Variants in FHIT observed in about 807,000 individuals in gnomAD.
FHIT encodes the protein fragile histidine triad diadenosine triphosphatase.
Under a neutral mutation model 17.9 loss-of-function variants are expected in FHIT, and 19 were observed. The observed-to-expected ratio is 1.06, with a 90% CI of 0.74 to 1.56. FHIT has a LOEUF of 1.56. Ranked by LOEUF, FHIT falls within the 40% of genes most tolerant of loss-of-function variation. The probability of loss-of-function intolerance (pLI) is 0.00; values close to 1 mark genes in which losing one functional copy is unlikely to be tolerated. For synonymous variants in FHIT, 81 were observed against 69.7 expected (o/e 1.16, Z -0.81); for missense variants, 248 against 189.2 (o/e 1.31, Z -1.82).
chr3:60,063,027 T>C (rs911792513), intron 5 of FHIT, among the ~76,000 whole-genome samples: 1 of 152,188 alleles, frequency 6.6e-6, no homozygotes, highest in Non-Finnish European at 1.5e-5. Flanking sequence ...AGTTCACAAC[T>C]AAATTAAAAT....
intron 7 of FHIT, among the ~76,000 whole-genome samples, chr3:59,971,133 C>A (rs1211432217): frequency 2.0e-5 from 3 of 152,026 alleles, no homozygotes; most frequent in African/African-American, 7.2e-5. Context: ...TTAAATGATT[C>A]TCTCAGAATG....
chr3:60,128,011 T>C (rs1197165741), intron 5 of FHIT, among the ~76,000 whole-genome samples: 5 of 152,224 alleles, frequency 3.3e-5, no homozygotes, highest in South Asian at 2.1e-4. Context: ...AATATTAAGA[T>C]TGTTAAATTT....
chr3:59,920,214 CA>C (rs1705335345), intron 8 of FHIT, among the ~76,000 whole-genome samples: 1 of 152,198 alleles, frequency 6.6e-6, no homozygotes, highest in Admixed American at 6.5e-5. Context: ...GCTACAATAT[CA>C]TATGGTTAGT....
intron 7 of FHIT, among the ~76,000 whole-genome samples, chr3:59,953,863 AC>A (rs1469640742): frequency 6.6e-6 from 1 of 152,132 alleles, no homozygotes; most frequent in African/African-American, 2.4e-5. Flanking sequence ...CTACTGGTGT[AC>A]CCCCTTCTCA....
rs1196157902 is a variant in FHIT, at chr3:60,881,183, A to G, written c.-110-59172T>C. Among the ~76,000 whole-genome samples, 3 of 152,218 alleles carry G rather than the reference A, an allele frequency of 2.0e-5. No homozygotes were observed. The East Asian group carries it at 5.8e-4, about 29-fold the overall frequency. ...GATAAAACAGACTTTAAGTGAAAAA[A>G]CTGTAAAAAGAGACAAAGAGGATCA... On this transcript the variant is annotated intron_variant, in intron 3 of 9. Transcript: ENST00000492590.
At chr3:60,991,884 G>A (rs1207481692) in intron 3 of FHIT, among the ~76,000 whole-genome samples, 2 of 152,156 alleles carry the variant, frequency 1.3e-5, no homozygotes, top group Admixed American at 6.5e-5. Flanking sequence ...TCATTCAGGT[G>A]AGAATACAGA....
intron 4 of FHIT, chr3:60,765,612 G>C (rs1699823360): frequency 6.6e-6 from 1 of 152,178 alleles, no homozygotes; most frequent in African/African-American, 2.4e-5. Context: ...TTCTTTACAG[G>C]TTTACTTGGT....
chr3:60,681,315 AC>A (rs2040743165), intron 4 of FHIT, among the ~76,000 whole-genome samples: 2 of 152,142 alleles, frequency 1.3e-5, no homozygotes, highest in Admixed American at 1.3e-4. Flanking sequence ...AAGATGGTGA[AC>A]TTTATCAGTA....
chr3:60,459,520 G>A (rs391844), intron 5 of FHIT, among the ~76,000 whole-genome samples: 28,820 of 152,140 alleles, frequency 0.19, 4,728 homozygotes, highest in African/African-American at 0.44. Context: ...AGCTACCACA[G>A]ATACATAGGT....
chr3:59,794,223 A>G (rs1268131430), intron 8 of FHIT, among the ~76,000 whole-genome samples: 1 of 152,200 alleles, frequency 6.6e-6, no homozygotes, highest in Non-Finnish European at 1.5e-5. Context: ...CTTAAACGAA[A>G]CAACAGACAT....
Position 60,089,445 on chromosome 3 carries a change from T to C in FHIT, c.104-75293A>G, listed in dbSNP as rs375498308. ...CAGAGTAGATGAAGCTCAACAAATGTTGGATGAATAAATATGCATATAGTA... is the reference window on the plus strand; with the variant it reads ...CAGAGTAGATGAAGCTCAACAAATGCTGGATGAATAAATATGCATATAGTA... On this transcript the variant is annotated intron_variant, in intron 5 of 9. Coordinates refer to ENST00000492590, the MANE Select transcript of FHIT (RefSeq NM_002012.4). 4.6e-5 allele frequency among the ~76,000 whole-genome samples: 7 copies of C among 152,224 alleles called. No individual in the cohort carries two copies. The East Asian group carries it at 7.7e-4, about 17-fold the overall frequency.
intron 5 of FHIT, among the ~76,000 whole-genome samples, chr3:60,060,310 T>C (rs1381016509): frequency 6.6e-6 from 1 of 152,194 alleles, no homozygotes; most frequent in African/African-American, 2.4e-5. Flanking sequence ...AACCAAATTA[T>C]AATGAATTTA....
intron 3 of FHIT, among the ~76,000 whole-genome samples, chr3:60,911,928 T>C (rs1243001931): frequency 2.0e-5 from 3 of 152,154 alleles, no homozygotes; most frequent in Non-Finnish European, 2.9e-5. Context: ...AAGACTTTTC[T>C]CATATCAGCA....
chr3:60,418,218 A>C (rs1206861143), intron 5 of FHIT, among the ~76,000 whole-genome samples: 4 of 151,758 alleles, frequency 2.6e-5, no homozygotes, highest in Admixed American at 1.3e-4. Flanking sequence ...AAAACTGCAA[A>C]AGTCAGAAAT....
intron 5 of FHIT, among the ~76,000 whole-genome samples, chr3:60,476,677 G>T (rs1559946035): frequency 6.6e-6 from 1 of 152,094 alleles, no homozygotes; most frequent in Non-Finnish European, 1.5e-5. Flanking sequence ...AAGGGCCTAG[G>T]GAGCGAGACA....
At chr3:60,725,739 T>C (rs1421278691) in intron 4 of FHIT, among the ~76,000 whole-genome samples, 3 of 152,204 alleles carry the variant, frequency 2.0e-5, no homozygotes, top group African/African-American at 4.8e-5. Flanking sequence ...CCACTGGTGC[T>C]ACTGCTGCTA....
intron 4 of FHIT, among the ~76,000 whole-genome samples, chr3:60,608,888 T>C (rs1349813055): frequency 2.6e-5 from 4 of 152,126 alleles, no homozygotes; most frequent in Non-Finnish European, 5.9e-5. Context: ...TCCCTTCTCT[T>C]CATAATAGGT....
intron 2 of FHIT, among the ~76,000 whole-genome samples, chr3:61,191,106 A>C (rs761725135): frequency 2.2e-4 from 34 of 152,244 alleles, no homozygotes; most frequent in Admixed American, 9.2e-4. Context: ...ATAAAAAAAG[A>C]AATTTTCCTG....
At chr3:60,050,864 G>A (rs1701843579) in intron 5 of FHIT, among the ~76,000 whole-genome samples, 1 of 152,136 alleles carries the variant, frequency 6.6e-6, no homozygotes, top group African/African-American at 2.4e-5. Context: ...CAGACTCAGA[G>A]AAGAGAATGT....
Sources: gnomAD v4.1 joint callset for allele counts (sites outside exome capture counted in the v4.1 genomes callset) on GRCh38, gnomAD v4.1.1 for gene constraint, MANE v1.5 for transcripts, NCBI Gene and HGNC (gene_info 2026-07-23, HGNC 2026-07-21) for gene names.